Variants in CYB5R3 observed in about 807,000 individuals in gnomAD.
CYB5R3 encodes the protein NADH-cytochrome b5 reductase 3.
In CYB5R3, 28 loss-of-function variants were observed where a neutral mutation model predicts 36.5. The ratio of observed to expected loss-of-function variants is 0.77; its 90% CI spans 0.57 to 1.05. The LOEUF (loss-of-function observed/expected upper bound fraction) is 1.05. Ranked by LOEUF, CYB5R3 falls within the 50% of genes least tolerant of loss-of-function variation. The pLI, the probability that CYB5R3 is intolerant of heterozygous loss-of-function variation, is 0.00. For missense variants in CYB5R3, 474 were observed against 408.9 expected, an observed-to-expected ratio of 1.16 and a Z score of -1.37; for synonymous variants, 181 against 159.8, an observed-to-expected ratio of 1.13 and a Z score of -1.00.
intron 1 of CYB5R3, 51 bp downstream of exon 1, chr22:42,649,241 CGGG>C: frequency 1.2e-6 from 1 of 842,492 alleles, no homozygotes; most frequent in Non-Finnish European, 1.5e-6. Flanking sequence ...CCCTCGCCGC[CGGG>C]TCCCAGTCCC....
Position 42,636,791 on chromosome 22 carries a change from A to G in CYB5R3, c.77T>C (p.Leu26Pro). 6.2e-7 allele frequency: 1 copy of G among 1,614,008 alleles called. No homozygotes were observed. The highest frequency in any genetic ancestry group is 8.5e-7 in the Non-Finnish European group (1 of 1,180,018). ...GATGGCTGGCGTGGAGCGCTGGAAC[A>G]GCTTCATGAGCAGACTGTACAGGAA... ...VWFLYSLLMK[L>P]FQRSTPAITL... is the part of the protein sequence containing the mutation. The change falls in exon 2 of 9, where the codon CTG becomes CCG. Residue 26 changes from leucine (L) to proline (P), a missense_variant. By Grantham distance (98) the Leu-to-Pro change is moderately conservative (BLOSUM62 -3). Transcript: ENST00000352397.
chr22:42,638,752 G>T (rs62239744), intron 1 of CYB5R3, among the ~76,000 whole-genome samples: 3 of 80,358 alleles, frequency 3.7e-5, no homozygotes, highest in Non-Finnish European at 7.2e-5. Flanking sequence ...AAAAAAAAAG[G>T]CCGGGCGCGG....
intron 1 of CYB5R3, among the ~76,000 whole-genome samples, chr22:42,638,040 C>A (rs1206687255): frequency 6.6e-6 from 1 of 152,136 alleles, no homozygotes; most frequent in African/African-American, 2.4e-5. Context: ...TTTGAGTCCA[C>A]GAGTTCAAGA....
At chr22:42,647,588 G>C (rs961542717) in intron 1 of CYB5R3, among the ~76,000 whole-genome samples, 4 of 29,474 alleles carry the variant, frequency 1.4e-4, no homozygotes, top group African/African-American at 4.3e-4. Context: ...GTGTGATGGC[G>C]AGTGCCTGTA....
intron 7 of CYB5R3, 42 bp from the exon 8 acceptor site, chr22:42,623,930 A>G: frequency 6.5e-7 from 1 of 1,548,336 alleles, no homozygotes. Flanking sequence ...GATGGGTGGC[A>G]GACTGCCCCT....
At chr22:42,623,970 A>T (rs1260476693) in intron 7 of CYB5R3, 82 bp from the exon 8 acceptor site, 7 of 1,253,474 alleles carry the variant, frequency 5.6e-6, no homozygotes, top group African/African-American at 3.0e-5. Context: ...GCGCCTCGTC[A>T]TCGCGCCCGC....
At chr22:42,635,815 C>T (rs955451581) in intron 2 of CYB5R3, among the ~76,000 whole-genome samples, 15 of 152,182 alleles carry the variant, frequency 9.9e-5, no homozygotes, top group Non-Finnish European at 1.9e-4. Flanking sequence ...AGAAATAGAG[C>T]AAGGGAGGGG....
At chr22:42,628,874 G>C (rs887538261) in intron 4 of CYB5R3, among the ~76,000 whole-genome samples, 1 of 152,128 alleles carries the variant, frequency 6.6e-6, no homozygotes, top group Non-Finnish European at 1.5e-5. Flanking sequence ...CTGGGGGAGG[G>C]ACAGCGTGTA....
intron 1 of CYB5R3, among the ~76,000 whole-genome samples, chr22:42,640,784 G>C (rs748215663): frequency 3.3e-5 from 5 of 152,120 alleles, no homozygotes; most frequent in Non-Finnish European, 7.4e-5. Flanking sequence ...TGAGAACAAG[G>C]ATGAAGACCT....
intron 1 of CYB5R3, chr22:42,644,679 C>T (rs1235251730): frequency 2.3e-5 from 23 of 985,264 alleles, no homozygotes; most frequent in Non-Finnish European, 2.5e-5. Flanking sequence ...ACAGAAACCA[C>T]GCCCACGTGG....
chr22:42,644,436 C>A (rs749231637), intron 1 of CYB5R3: 2 of 751,460 alleles, frequency 2.7e-6, no homozygotes, highest in South Asian at 2.9e-5. Flanking sequence ...TTGCTTCAGG[C>A]GTTCGCATAT....
intron 8 of CYB5R3, among the ~76,000 whole-genome samples, chr22:42,622,242 G>GAAACA (rs1226502378): frequency 6.6e-6 from 1 of 152,106 alleles, no homozygotes; most frequent in East Asian, 1.9e-4. Flanking sequence ...TAGTAGAAGA[G>GAAACA]AAACAGCAGC....
rs1928350112 is a variant in CYB5R3 at position 42,627,586 on chromosome 22, AG to A, written c.547+18del. 3.7e-6 allele frequency: 6 copies of A among 1,608,786 alleles called. No individual in the cohort carries two copies. The highest frequency in any genetic ancestry group is 4.3e-6 in the Non-Finnish European group (5 of 1,175,174). ...CTTAACATGAGCCGCCGGACGCCTC[AG>A]TGGGGGGTTCCGTGTACCTGTCCCT... On this transcript the variant is annotated intron_variant, in intron 6 of 8. Transcript: ENST00000352397.
chr22:42,633,100 G>C (rs1254825337), intron 2 of CYB5R3: 1 of 152,350 alleles, frequency 6.6e-6, no homozygotes, highest in Non-Finnish European at 1.5e-5. Context: ...GCAGCAGGGT[G>C]GGGCAAAGCA....
At chr22:42,622,886 A>G (rs1223457923) in intron 8 of CYB5R3, among the ~76,000 whole-genome samples, 1 of 152,250 alleles carries the variant, frequency 6.6e-6, no homozygotes, top group Admixed American at 6.5e-5. Flanking sequence ...TCACACGGGT[A>G]TTCAAAAATG....
intron 1 of CYB5R3, among the ~76,000 whole-genome samples, chr22:42,641,451 C>G (rs545511623): frequency 6.6e-6 from 1 of 152,076 alleles, no homozygotes; most frequent in Non-Finnish European, 1.5e-5. Flanking sequence ...GGATTACAGG[C>G]GCACGCCACC....
At chr22:42,642,564 G>A (rs571464766) in intron 1 of CYB5R3, among the ~76,000 whole-genome samples, 3 of 152,140 alleles carry the variant, frequency 2.0e-5, no homozygotes, top group African/African-American at 7.2e-5. Context: ...TCAGCCTCCC[G>A]AGTAGCTGGG....
intron 2 of CYB5R3, among the ~76,000 whole-genome samples, chr22:42,634,689 G>A (rs1197567941): frequency 1.4e-5 from 2 of 143,612 alleles, no homozygotes; most frequent in African/African-American, 5.3e-5. Context: ...GCAGTGGCAC[G>A]ATCTCGGCTC....
chr22:42,626,942 G>A (rs1052049944), intron 7 of CYB5R3, among the ~76,000 whole-genome samples: 5 of 152,154 alleles, frequency 3.3e-5, no homozygotes, highest in African/African-American at 9.7e-5. Flanking sequence ...GCAAATGTCT[G>A]GTCATTTGTA....
Sources: allele counts gnomAD v4.1 joint callset (sites outside exome capture counted in the v4.1 genomes callset), GRCh38; gene constraint gnomAD v4.1.1; transcripts MANE v1.5; gene names NCBI Gene and HGNC (gene_info 2026-07-23, HGNC 2026-07-21).